NECAB3: variants seen among roughly 807,000 people sequenced by gnomAD.
NECAB3 encodes N-terminal EF-hand calcium-binding protein 3.
A neutral mutation model predicts 57.2 loss-of-function variants in NECAB3; 38 were observed. That is an observed-to-expected ratio of 0.66 (90% CI 0.51 to 0.87). The LOEUF (loss-of-function observed/expected upper bound fraction) is 0.87. NECAB3 is among the 40% of genes least tolerant of loss of function. The pLI, the probability that NECAB3 is intolerant of heterozygous loss-of-function variation, is 0.00. For synonymous variants in NECAB3, 223 were observed against 222.6 expected (o/e 1.00, Z -0.02); for missense variants, 474 against 527.5 (o/e 0.90, Z 0.99).
chr20:33,673,340 T>A (rs1413172509), intron 1 of NECAB3, among the ~76,000 whole-genome samples: 2 of 152,118 alleles, frequency 1.3e-5, no homozygotes, highest in East Asian at 3.9e-4. Context: ...TCAGTGGGGC[T>A]CAGGAAAGAC....
At position 33,664,026 on chromosome 20, in the gene NECAB3, G is replaced by A. The variant is rs1353413018; in HGVS notation, c.388-3631C>T. 3 of 601,972 alleles carry A rather than the reference G, an allele frequency of 5.0e-6. No individual in the cohort carries two copies. The African/African-American group carries it at 5.9e-5, about 12-fold the overall frequency. The allele number at this position is 601,972 out of a possible 1,614,324, so 37.3% of individuals were successfully genotyped here. ...GTGATGAAGGCAGAGCCATCGCCACGGTCTGGAGCCAGGGCTGTCTTTTGC... is the reference window on the plus strand; with the variant it reads ...GTGATGAAGGCAGAGCCATCGCCACAGTCTGGAGCCAGGGCTGTCTTTTGC... On this transcript the variant is annotated intron_variant, in intron 5 of 11. Transcript: ENST00000246190.
At chr20:33,663,709 C>T (rs1183825290) in intron 5 of NECAB3, 3 of 1,536,208 alleles carry the variant, frequency 2.0e-6, no homozygotes, top group Non-Finnish European at 2.6e-6. Context: ...GCTGCGGCGG[C>T]AAGAGGCGCG....
Position 33,659,740 on chromosome 20 carries a change from T to C in NECAB3, c.644-8A>G. On this transcript the variant is annotated splice_polypyrimidine_tract_variant and splice_region_variant and intron_variant, in intron 7 of 11. Transcript: ENST00000246190. ...CGGCCTCTGAGCTGCGCCCTGTGTGTGGGGCCCGTGCAGGGTCAGGCAGGG... is the reference window on the plus strand; with the variant it reads ...CGGCCTCTGAGCTGCGCCCTGTGTGCGGGGCCCGTGCAGGGTCAGGCAGGG... 6.3e-7 allele frequency: 1 copy of C among 1,583,042 alleles called. No individual in the cohort carries two copies. The highest frequency in any genetic ancestry group is 8.6e-7 in the Non-Finnish European group (1 of 1,168,360).
At chr20:33,658,946 A>G in intron 8 of NECAB3, 112 bp from the exon 9 acceptor site, 1 of 743,042 alleles carries the variant, frequency 1.3e-6, no homozygotes. Context: ...TTTTTAAGAC[A>G]GGGTCTTGCT....
intron 5 of NECAB3, chr20:33,667,317 C>T: frequency 2.6e-6 from 2 of 781,576 alleles, no homozygotes; most frequent in Non-Finnish European, 1.8e-6. Flanking sequence ...CCATCAAGCA[C>T]GGCGTGGTGG....
Position 33,672,379 on chromosome 20 carries a change from C to G in NECAB3, c.154+19G>C. On this transcript the variant is annotated intron_variant, in intron 2 of 11. Coordinates refer to ENST00000246190, the MANE Select transcript of NECAB3 (RefSeq NM_031232.4). The stretch of plus-strand genomic sequence containing the variant: ...TCCCACCCTGCCCCACTGTGGGACC[C>G]AGGGGAAGCCACACTCACCATTCTT... 6.2e-7 allele frequency: 1 copy of G among 1,614,178 alleles called. No individual in the cohort carries two copies.
At position 33,660,448 on chromosome 20, in the gene NECAB3, T is replaced by C; in HGVS notation, c.388-53A>G. On this transcript the variant is annotated intron_variant, in intron 5 of 11. Transcript: ENST00000246190. The surrounding 1 kb of genome is among the most constrained non-coding windows in gnomAD (Gnocchi z 4.1). ...TCTCCCAGCCCGGGCACTGATCTCT[T>C]GAGTGGGTCCCCTGCCTCTTGCCCA... 6.3e-7 allele frequency: 1 copy of C among 1,594,918 alleles called. No homozygotes were observed. Among genetic ancestry groups the C allele is most frequent in the South Asian group, 1.1e-5 (1 of 89,938 alleles).
intron 5 of NECAB3, chr20:33,663,498 G>A (rs1284531952): frequency 6.3e-7 from 1 of 1,589,368 alleles, no homozygotes. Flanking sequence ...GCCCTAGCGC[G>A]CTCTCCCGCC....
At chr20:33,668,625 A>C in intron 5 of NECAB3, 2 of 174,896 alleles carry the variant, frequency 1.1e-5, no homozygotes, top group Non-Finnish European at 2.4e-5. Flanking sequence ...ACTAAATCTC[A>C]TGTGAAAGTC....
Position 33,657,802 on chromosome 20 carries a change from G to T in NECAB3, c.*27C>A. ...TCCAGAGGGAGGCAGGCAGGGTCCC[G>T]GGGCCCTCGGCGTGTGCAGGTCTGG... is the stretch of plus-strand genomic sequence containing the variant. On this transcript the variant is annotated 3_prime_UTR_variant, in exon 12 of 12. Coordinates refer to ENST00000246190, the MANE Select transcript of NECAB3 (RefSeq NM_031232.4). 1 of 1,513,452 alleles carries T rather than the reference G, an allele frequency of 6.6e-7. No homozygotes were observed. Among genetic ancestry groups the T allele is most frequent in the Non-Finnish European group, 8.9e-7 (1 of 1,126,546 alleles). The allele number at this position is 1,513,452 out of a possible 1,614,324, so 93.8% of individuals were successfully genotyped here. A position where few individuals can be genotyped will look rare whatever the true frequency, so the allele number is the denominator to read the frequency against.
chr20:33,667,690 C>A lies in NECAB3; in HGVS notation c.387+1685G>T, dbSNP rs538359598. On this transcript the variant is annotated intron_variant, in intron 5 of 11. Transcript: ENST00000246190. ...GCGGGATCTGCTGGTGGCGGCGAAC[C>A]CTGACCTCTTGCAGCAGGCCCTGCC... The A allele has an allele frequency of 6.0e-5, 97 of 1,612,120 alleles. 1 individual carries two copies. In the South Asian group the frequency reaches 1.0e-3, roughly 17 times the overall value.
intron 2 of NECAB3, 65 bp from the exon 3 acceptor site, chr20:33,670,857 A>G (rs759403932): frequency 2.4e-6 from 3 of 1,248,536 alleles, no homozygotes; most frequent in Non-Finnish European, 3.5e-6. Flanking sequence ...CACCCCTGCC[A>G]CCAGGTCCAG....
Position 33,668,063 on chromosome 20 carries a change from G to A in NECAB3, c.387+1312C>T, listed in dbSNP as rs372596872. ...AAGGAGCTGGAGGCGCAGTGCCGGC[G>A]GCACGGCTACGCGGCCCTGCGGCCC... On this transcript the variant is annotated intron_variant, in intron 5 of 11. Transcript: ENST00000246190. 9.6e-6 allele frequency: 15 copies of A among 1,570,440 alleles called. No individual in the cohort carries two copies. In the African/African-American group the frequency reaches 1.2e-4, roughly 13 times the overall value.
chr20:33,659,760 G>A (rs373182678), intron 7 of NECAB3, 28 bp from the exon 8 acceptor site: 430 of 1,559,616 alleles, frequency 2.8e-4, no homozygotes, highest in Non-Finnish European at 3.3e-4. Context: ...GCAGGGTCAG[G>A]CAGGGGCCTC....
intron 5 of NECAB3, chr20:33,663,533 C>A: frequency 1.2e-6 from 2 of 1,609,256 alleles, no homozygotes; most frequent in Non-Finnish European, 1.7e-6. Flanking sequence ...CACCCCCAGA[C>A]CAGGATCGTG....
intron 5 of NECAB3, among the ~76,000 whole-genome samples, chr20:33,661,302 C>T (rs1338927296): frequency 6.6e-6 from 1 of 152,186 alleles, no homozygotes; most frequent in Non-Finnish European, 1.5e-5. Flanking sequence ...CTACCACACA[C>T]ACACACACGC....
At chr20:33,671,855 T>G (rs956618884) in intron 2 of NECAB3, among the ~76,000 whole-genome samples, 1 of 152,210 alleles carries the variant, frequency 6.6e-6, no homozygotes, top group Non-Finnish European at 1.5e-5. Context: ...ACCTCCCTGG[T>G]CCAGATGGTT....
intron 8 of NECAB3, 42 bp downstream of exon 8, chr20:33,659,455 C>T: frequency 7.0e-7 from 1 of 1,427,800 alleles, no homozygotes; most frequent in Non-Finnish European, 9.3e-7. Flanking sequence ...TGAGCACCCC[C>T]AGACACGGCC....
In NECAB3 at chr20:33,668,074, G is replaced by C. The variant is rs1207431683; in HGVS notation, c.387+1301C>G. Reference sequence around the variant, plus strand: ...GGCGCAGTGCCGGCGGCACGGCTACGCGGCCCTGCGGCCCCACCTGGTGGC... The same window carrying C: ...GGCGCAGTGCCGGCGGCACGGCTACCCGGCCCTGCGGCCCCACCTGGTGGC... On this transcript the variant is annotated intron_variant, in intron 5 of 11. Transcript: ENST00000246190. 1.9e-6 allele frequency: 3 copies of C among 1,581,210 alleles called. No individual in the cohort carries two copies. Among genetic ancestry groups the C allele is most frequent in the African/African-American group, 2.7e-5 (2 of 74,046 alleles).
Sources: gnomAD v4.1 joint callset for allele counts (sites outside exome capture counted in the v4.1 genomes callset) on GRCh38, gnomAD v4.1.1 for gene constraint, Gnocchi (gnomAD v3.1) non-coding constraint, MANE v1.5 for transcripts, NCBI Gene and HGNC (gene_info 2026-07-23, HGNC 2026-07-21) for gene names.